The following PFKFB3 variants were observed in gnomAD, a reference collection of about 807,000 sequenced individuals.
PFKFB3 encodes the protein 6-phosphofructo-2-kinase/fructose-2,6-biphosphatase 3, also known as 6-phosphofructo-2-kinase/fructose-2,6-bisphosphatase 3.
PFKFB3 carries 33 observed loss-of-function variants against 68.0 expected under a neutral mutation model. That is an observed-to-expected ratio of 0.49 (90% CI 0.37 to 0.65). The LOEUF (loss-of-function observed/expected upper bound fraction) is 0.65, where lower values mean the gene tolerates loss of function less well. PFKFB3 is among the 30% of genes least tolerant of loss of function. The pLI, the probability that PFKFB3 is intolerant of heterozygous loss-of-function variation, is 0.00. For synonymous variants in PFKFB3, 315 were observed against 288.2 expected, an observed-to-expected ratio of 1.09 and a Z score of -0.94; for missense variants, 586 against 712.2, an observed-to-expected ratio of 0.82 and a Z score of 2.02.
intron 1 of PFKFB3, chr10:6,146,594 T>A (rs1213506674): frequency 2.5e-6 from 3 of 1,211,450 alleles, no homozygotes; most frequent in South Asian, 1.4e-5. Context: ...CATTTATCTC[T>A]GACTTCATCG....
chr10:6,272,954 A>G, the PFKFB3 span, among the ~76,000 whole-genome samples: 5 of 151,394 alleles, frequency 3.3e-5, no homozygotes, highest in East Asian at 2.0e-4. Flanking sequence ...CCATTCTCCT[A>G]AAGTGTTCAC....
intron 14 of PFKFB3, among the ~76,000 whole-genome samples, chr10:6,248,890 T>G (rs913377560): frequency 6.6e-6 from 1 of 152,002 alleles, no homozygotes; most frequent in Admixed American, 6.6e-5. Context: ...AGGAAACCCT[T>G]AGGTCGGGAA....
intron 14 of PFKFB3, among the ~76,000 whole-genome samples, chr10:6,246,637 C>T (rs1402211714): frequency 1.3e-5 from 2 of 152,000 alleles, no homozygotes; most frequent in South Asian, 2.1e-4. Context: ...CCACTGCGCC[C>T]GGCCTATTTT....
chr10:6,318,058 C>A, the PFKFB3 span, among the ~76,000 whole-genome samples: 2 of 152,308 alleles, frequency 1.3e-5, no homozygotes, highest in Admixed American at 1.3e-4. Flanking sequence ...AGCGAAAGTT[C>A]CTTTTCATGA....
intron 1 of PFKFB3, among the ~76,000 whole-genome samples, chr10:6,205,311 C>G (rs978309097): frequency 5.3e-5 from 8 of 149,712 alleles, no homozygotes; most frequent in African/African-American, 1.7e-4. Context: ...GAAGGTGTTT[C>G]TATTTGGTAT....
chr10:6,229,271 C>T lies in PFKFB3; in HGVS notation c.1515+2906C>T. On this transcript the variant is annotated intron_variant, in intron 14 of 14. Transcript: ENST00000379775. The surrounding 1 kb of genome is among the most constrained non-coding windows in gnomAD (Gnocchi z 4.3). ...CCATGTCCACGTTCCTTAAGACCACCCTGGGAGGTCGGCAGGGCAGTCAGT... is the reference window on the plus strand; with the variant it reads ...CCATGTCCACGTTCCTTAAGACCACTCTGGGAGGTCGGCAGGGCAGTCAGT... 2 of 439,760 alleles carry T rather than the reference C, an allele frequency of 4.5e-6. No individual in the cohort carries two copies. 27.2% of individuals were successfully genotyped at this position (439,760 alleles called of 1,614,324 possible).
At chr10:6,312,505 T>C in the PFKFB3 span, among the ~76,000 whole-genome samples, 1 of 152,036 alleles carries the variant, frequency 6.6e-6, no homozygotes, top group Non-Finnish European at 1.5e-5. Flanking sequence ...ACACTGCCCA[T>C]AGAGAAATTT....
chr10:6,263,279 A>T, the PFKFB3 span, among the ~76,000 whole-genome samples: 5,659 of 152,358 alleles, frequency 0.037, 248 homozygotes, highest in South Asian at 0.18. Flanking sequence ...CAGATTACTC[A>T]TGCTGTTGTT....
chr10:6,206,366 C>T (rs1215298958), intron 1 of PFKFB3, among the ~76,000 whole-genome samples: 2 of 136,752 alleles, frequency 1.5e-5, no homozygotes, highest in Middle Eastern at 3.5e-3. Context: ...TACACAGACA[C>T]AGCAACCATC....
the PFKFB3 span, among the ~76,000 whole-genome samples, chr10:6,321,813 G>T: frequency 6.6e-6 from 1 of 152,164 alleles, no homozygotes; most frequent in African/African-American, 2.4e-5. Context: ...TAGAAATTCT[G>T]CAGTGCAACC....
rs35531305 is a variant in PFKFB3 at position 6,223,687 on chromosome 10, A to G, written c.1214-271A>G. Among the ~76,000 whole-genome samples, 1,033 of 152,204 alleles carry G rather than the reference A, an allele frequency of 6.8e-3. 34 individuals carry two copies. The East Asian group carries it at 0.078, about 12-fold the overall frequency. On this transcript the variant is annotated intron_variant, in intron 11 of 14. Transcript: ENST00000379775. ...GCGCAGGCTGCAGTGCAATGCATGCACTCACTGCAACCTCCACCTCCCAGG... is the reference window on the plus strand; with the variant it reads ...GCGCAGGCTGCAGTGCAATGCATGCGCTCACTGCAACCTCCACCTCCCAGG...
intron 1 of PFKFB3, among the ~76,000 whole-genome samples, chr10:6,176,246 G>A (rs1281920004): frequency 1.3e-5 from 2 of 152,170 alleles, no homozygotes; most frequent in African/African-American, 2.4e-5. Flanking sequence ...CCTGCAGATC[G>A]TCTGTATCCG....
At chr10:6,182,690 C>T (rs1169284486) in intron 1 of PFKFB3, among the ~76,000 whole-genome samples, 3 of 152,246 alleles carry the variant, frequency 2.0e-5, no homozygotes, top group Non-Finnish European at 4.4e-5. Flanking sequence ...TTGTGCCACA[C>T]CAGGCTAAGA....
At chr10:6,295,559 T>C in the PFKFB3 span, among the ~76,000 whole-genome samples, 1 of 151,958 alleles carries the variant, frequency 6.6e-6, no homozygotes, top group Non-Finnish European at 1.5e-5. Flanking sequence ...AATCCCGTTA[T>C]TATACAGGCG....
chr10:6,213,629 G>T lies in PFKFB3; in HGVS notation c.83G>T (p.Gly28Val). 1 of 1,612,226 alleles carries T rather than the reference G, an allele frequency of 6.2e-7. No homozygotes were observed. The highest frequency in any genetic ancestry group is 1.3e-5 in the African/African-American group (1 of 74,972). ...TTCTTGCTTGTTTTTCCAGCCTGTG[G>T]GCCAAAGCTGACCAACTCCCCCACC... ...DHRPSLPRSC[G>V]PKLTNSPTVI... The change falls in exon 2 of 15, where the codon GGG becomes GTG. Residue 28 changes from glycine (G) to valine (V), a missense_variant. Physicochemically the swap from Gly to Val is moderately radical, Grantham distance 109. Transcript: ENST00000379775.
At chr10:6,323,113 C>T in the PFKFB3 span, among the ~76,000 whole-genome samples, 2 of 152,182 alleles carry the variant, frequency 1.3e-5, no homozygotes, top group African/African-American at 4.8e-5. Context: ...ACAGGATATG[C>T]TCAGGTATTA....
downstream of PFKFB3, among the ~76,000 whole-genome samples, chr10:6,235,698 G>T (rs11257472): frequency 0.54 from 81,116 of 151,196 alleles, 22,717 homozygotes; most frequent in Middle Eastern, 0.68. Flanking sequence ...AGAATGAGCT[G>T]TCTCAATTTT....
At chr10:6,225,119 G>T in intron 13 of PFKFB3, 1 of 456,258 alleles carries the variant, frequency 2.2e-6, no homozygotes, top group South Asian at 1.5e-5. Flanking sequence ...CTGCTCAGGT[G>T]GACGCGTGTT....
chr10:6,232,700 CTTGCGTCATG>C (rs2132054086), intron 14 of PFKFB3, among the ~76,000 whole-genome samples, 185 bp from the exon 15 acceptor site: 1 of 151,448 alleles, frequency 6.6e-6, no homozygotes, highest in South Asian at 2.1e-4. Context: ...CTGGGGTTAT[CTTGCGTCATG>C]TTCTGAGGCC....
Sources: gnomAD v4.1 joint callset for allele counts (sites outside exome capture counted in the v4.1 genomes callset) on GRCh38, gnomAD v4.1.1 for gene constraint, Gnocchi (gnomAD v3.1) non-coding constraint, MANE v1.5 for transcripts, NCBI Gene and HGNC (gene_info 2026-07-23, HGNC 2026-07-21) for gene names.